Variants in NEK3 observed in about 807,000 individuals in gnomAD.
NEK3 encodes NIMA related kinase 3, also known as serine/threonine-protein kinase Nek3.
A neutral mutation model predicts 66.0 loss-of-function variants in NEK3; 54 were observed. That is an observed-to-expected ratio of 0.82 (90% CI 0.66 to 1.03). NEK3 has a LOEUF of 1.03. NEK3 is among the 50% of genes least tolerant of loss of function. The probability of loss-of-function intolerance (pLI) is 0.00; values close to 1 mark genes in which losing one functional copy is unlikely to be tolerated. For missense variants in NEK3, 593 were observed against 603.0 expected, an observed-to-expected ratio of 0.98 and a Z score of 0.17; for synonymous variants, 200 against 206.2, an observed-to-expected ratio of 0.97 and a Z score of 0.26.
chr13:52,146,693 AT>A (rs1395688340), intron 8 of NEK3, among the ~76,000 whole-genome samples: 1 of 152,176 alleles, frequency 6.6e-6, no homozygotes, highest in African/African-American at 2.4e-5. Flanking sequence ...ATTTTCAGAG[AT>A]TTTAATTCAA....
Position 52,133,813 on chromosome 13 carries a change from A to C in NEK3, c.1312T>G (p.Ser438Ala). 1 of 1,597,644 alleles carries C rather than the reference A, an allele frequency of 6.3e-7. No homozygotes were observed. The highest frequency in any genetic ancestry group is 1.3e-5 in the African/African-American group (1 of 74,770). ...AGGGGGCCTTTCAAGAACCCTTCTGAACCTTCAGGAGATATTAACAGAAAA... is the reference window on the plus strand; with the variant it reads ...AGGGGGCCTTTCAAGAACCCTTCTGCACCTTCAGGAGATATTAACAGAAAA... ...FQTYTIYRPG[S>A]EGFLKGPLSE... Residue 438 changes from serine (S) to alanine (A), a missense_variant and splice_region_variant, in exon 15 of 16, where the codon TCA (serine) becomes GCA (alanine). Coordinates refer to ENST00000610828, the MANE Select transcript of NEK3 (RefSeq NM_002498.3).
Position 52,144,772 on chromosome 13 carries a change from ATTC to A in NEK3, c.720_722del (p.Arg240_Asn241delinsSer). The A allele has an allele frequency of 6.2e-7, 1 of 1,613,878 alleles. No homozygotes were observed. Among genetic ancestry groups the A allele is most frequent in the Non-Finnish European group, 8.5e-7 (1 of 1,179,856 alleles). On this transcript the variant is annotated inframe_deletion, in exon 9 of 16. Transcript: ENST00000610828. The stretch of plus-strand genomic sequence containing the variant: ...TTGTAGCCGAGGGGCGATGTGAGGG[ATTC>A]CTTTTAAACATCTGCTTGACTAGGA...
At chr13:52,143,758 A>G (rs1956270213) in intron 10 of NEK3, among the ~76,000 whole-genome samples, 157 bp downstream of exon 10, 1 of 152,226 alleles carries the variant, frequency 6.6e-6, no homozygotes, top group South Asian at 2.1e-4. Flanking sequence ...AAAAGTATTC[A>G]GTACAGAATT....
chr13:52,142,728 G>A (rs1263417859), intron 10 of NEK3, among the ~76,000 whole-genome samples: 2 of 152,170 alleles, frequency 1.3e-5, no homozygotes, highest in Non-Finnish European at 2.9e-5. Context: ...ATGATAAAGA[G>A]CACCAGGCAA....
At chr13:52,155,578 C>G (rs1024477717) in intron 2 of NEK3, among the ~76,000 whole-genome samples, 1 of 152,216 alleles carries the variant, frequency 6.6e-6, no homozygotes, top group Non-Finnish European at 1.5e-5. Context: ...ATTACAATAT[C>G]CTAAGAACCA....
At position 52,156,116 on chromosome 13, in the gene NEK3, T is replaced by C. The variant is rs759074544; in HGVS notation, c.76A>G (p.Ser26Gly). ...GRALLVQHES[S>G]NQMFAMKEIR... ...TCTTTCATGGCAAACATCTGATTAC[T>C]GCTTTCATGCTGAACCAAAAGAGCT... is the stretch of plus-strand genomic sequence containing the variant. The change falls in exon 2 of 16, where the codon AGT (serine) becomes GGT (glycine). Residue 26 changes from serine (S) to glycine (G), a missense_variant. Physicochemically the swap from Ser to Gly is moderately conservative, Grantham distance 56. Coordinates refer to ENST00000610828, the MANE Select transcript of NEK3 (RefSeq NM_002498.3). 1.1e-5 allele frequency: 17 copies of C among 1,607,916 alleles called. No homozygotes were observed. The highest frequency in any genetic ancestry group is 1.4e-5 in the Non-Finnish European group (17 of 1,177,074).
intron 11 of NEK3, among the ~76,000 whole-genome samples, chr13:52,138,861 G>T (rs1956226024): frequency 6.6e-6 from 1 of 152,128 alleles, no homozygotes; most frequent in Non-Finnish European, 1.5e-5. Context: ...AGCCCAGGAG[G>T]TTGAGTCTGC....
At chr13:52,141,794 T>C (rs1234758470) in intron 10 of NEK3, among the ~76,000 whole-genome samples, 1 of 152,050 alleles carries the variant, frequency 6.6e-6, no homozygotes, top group East Asian at 1.9e-4. Flanking sequence ...CACTATACTT[T>C]TTTGGCCGGG....
Position 52,147,928 on chromosome 13 carries a change from G to A in NEK3, c.603+487C>T, listed in dbSNP as rs984704288. ...GGAGAATCACTTGAACCCAGGAGGC[G>A]GAGGTTGCAGTGAGCTGAGATTGCA... On this transcript the variant is annotated intron_variant, in intron 8 of 15. Coordinates refer to ENST00000610828, the MANE Select transcript of NEK3 (RefSeq NM_002498.3). Among the ~76,000 whole-genome samples, 15 of 152,202 alleles carry A rather than the reference G, an allele frequency of 9.9e-5. No homozygotes were observed. In the East Asian group the frequency reaches 1.7e-3, roughly 18 times the overall value.
chr13:52,153,214 A>AC (rs1322411989), intron 4 of NEK3, among the ~76,000 whole-genome samples: 1 of 150,206 alleles, frequency 6.7e-6, no homozygotes, highest in Non-Finnish European at 1.5e-5. Context: ...TGTCAAACTA[A>AC]TTTTTTTTTT....
chr13:52,152,394 T>C (rs1956355195), intron 5 of NEK3, among the ~76,000 whole-genome samples: 1 of 152,192 alleles, frequency 6.6e-6, no homozygotes, highest in Admixed American at 6.5e-5. Context: ...TGTGTATATA[T>C]ATATAACACG....
At chr13:52,138,270 C>T (rs1295009686) in intron 11 of NEK3, among the ~76,000 whole-genome samples, 1 of 152,224 alleles carries the variant, frequency 6.6e-6, no homozygotes, top group Non-Finnish European at 1.5e-5. Flanking sequence ...AATGCTCCTG[C>T]CTCTGCCTCC....
At chr13:52,158,040 G>C (rs1370074879) in intron 1 of NEK3, among the ~76,000 whole-genome samples, 2 of 152,150 alleles carry the variant, frequency 1.3e-5, no homozygotes, top group Non-Finnish European at 2.9e-5. Flanking sequence ...ACCACGCCCG[G>C]CTAATTTTGT....
intron 7 of NEK3, 133 bp downstream of exon 7, chr13:52,151,013 T>G (rs1039912890): frequency 5.9e-6 from 4 of 682,304 alleles, no homozygotes; most frequent in Admixed American, 2.8e-5. Flanking sequence ...ATATTTCTGC[T>G]TTCAGATATA....
Position 52,133,726 on chromosome 13 carries a change from G to T in NEK3, c.1399C>A (p.Pro467Thr). 1 of 1,565,270 alleles carries T rather than the reference G, an allele frequency of 6.4e-7. No individual in the cohort carries two copies. The highest frequency in any genetic ancestry group is 8.7e-7 in the Non-Finnish European group (1 of 1,153,796). Residue 467 changes from proline (P) to threonine (T), a missense_variant, in exon 15 of 16, where the codon CCA (proline) becomes ACA (threonine). Transcript: ENST00000610828. ...TCTAGCCCAGGCTCAAGTCGCTCTG[G>T]ATCCAAAATGACAGAATCGTGACCT... ...DGGHDSVILD[P>T]ERLEPGLDEE...
chr13:52,141,124 T>C, intron 10 of NEK3, 55 bp from the exon 11 acceptor site: 1 of 1,482,668 alleles, frequency 6.7e-7, no homozygotes, highest in Non-Finnish European at 9.2e-7. Flanking sequence ...GATCATCCTA[T>C]TAAGTTCCTA....
At position 52,135,844 on chromosome 13, in the gene NEK3, G is replaced by C. The variant is rs976141978; in HGVS notation, c.1194C>G (p.Tyr398Ter). 9 of 1,611,996 alleles carry C rather than the reference G, an allele frequency of 5.6e-6. No individual in the cohort carries two copies. The African/African-American group carries it at 9.4e-5, about 17-fold the overall frequency. The change falls in exon 14 of 16, where the codon TAC (tyrosine) becomes TAG (stop). Residue 398 changes from tyrosine (Y) to a stop codon, truncating the protein, a stop_gained. Transcript: ENST00000610828. LOFTEE classifies it high-confidence loss of function. The stretch of plus-strand genomic sequence containing the variant: ...ACTGCTTACGAGTAGTATTTTTGCT[G>C]TACTTTATTACAGAACCACCTAGTT... ...EDDRGGSVIKYSKNTTRKQWL... is the reference protein window; with the variant it reads ...EDDRGGSVIK
intron 10 of NEK3, among the ~76,000 whole-genome samples, chr13:52,141,765 C>T (rs111381053): frequency 0.039 from 5,956 of 152,104 alleles, 126 homozygotes; most frequent in South Asian, 0.065. Context: ...CTACTTATTC[C>T]TCTTTTTAGA....
intron 1 of NEK3, among the ~76,000 whole-genome samples, chr13:52,158,921 C>A (rs1049446536): frequency 6.6e-6 from 1 of 152,186 alleles, no homozygotes; most frequent in Non-Finnish European, 1.5e-5. Context: ...AGCACAGAGG[C>A]TAGGATAACT....
Sources: allele counts gnomAD v4.1 joint callset (sites outside exome capture counted in the v4.1 genomes callset), GRCh38; gene constraint gnomAD v4.1.1; transcripts MANE v1.5; gene names NCBI Gene and HGNC (gene_info 2026-07-23, HGNC 2026-07-21).